The following ERCC6 variants were observed in gnomAD, a reference collection of about 807,000 sequenced individuals.
ERCC6 encodes the protein ERCC excision repair 6, chromatin remodeling factor.
A neutral mutation model predicts 158.7 loss-of-function variants in ERCC6; 116 were observed. The ratio of observed to expected loss-of-function variants is 0.73; its 90% CI spans 0.63 to 0.85. The LOEUF (loss-of-function observed/expected upper bound fraction) is 0.85. Among genes scored for constraint, ERCC6 ranks in the 40% least tolerant of loss-of-function variants. ERCC6 has a pLI of 0.00. For synonymous variants in ERCC6, 678 were observed against 659.3 expected (o/e 1.03, Z -0.43); for missense variants, 1,698 against 1,799.4 (o/e 0.94, Z 1.02).
At chr10:49,516,953 TG>T in intron 5 of ERCC6, 1 of 1,614,154 alleles carries the variant, frequency 6.2e-7, no homozygotes, top group East Asian at 2.2e-5. Context: ...ACAAAGAACC[TG>T]GCAGATTATT....
Position 49,466,412 on chromosome 10 carries a change from GC to G in ERCC6, c.3778+3769del, listed in dbSNP as rs1184991578. 2.6e-5 allele frequency among the ~76,000 whole-genome samples: 4 copies of G among 152,180 alleles called. No homozygotes were observed. The East Asian group carries it at 7.7e-4, about 29-fold the overall frequency. ...GAAGGAAGCTACAAACATGGAAAGG[GC>G]CCTAGGGTGCTGAAATGAAATTGGA... On this transcript the variant is annotated intron_variant, in intron 18 of 20. Transcript: ENST00000355832.
intron 4 of ERCC6, among the ~76,000 whole-genome samples, chr10:49,525,481 A>G (rs1837293536): frequency 6.6e-6 from 1 of 152,238 alleles, no homozygotes; most frequent in Admixed American, 6.5e-5. Context: ...AACTGACTTG[A>G]AGACATTACA....
In ERCC6 at chr10:49,524,456, T is replaced by G. The variant is rs1837260609; in HGVS notation, c.974A>C (p.Glu325Ala). ...CTTGATGTGCTTTTTCAAACGCTCCTCTTTTTTGGACAGAACTCTGGCTTT... is the reference window on the plus strand; with the variant it reads ...CTTGATGTGCTTTTTCAAACGCTCCGCTTTTTTGGACAGAACTCTGGCTTT... The part of the protein sequence containing the change: ...NKKARVLSKK[E>A]ERLKKHIKKL... Residue 325 changes from glutamate (E) to alanine (A), a missense_variant, in exon 5 of 21, where the codon GAG becomes GCG. Glu to Ala is a moderately radical substitution (Grantham distance 107). Coordinates refer to ENST00000355832, the MANE Select transcript of ERCC6 (RefSeq NM_000124.4). 1.9e-6 allele frequency: 3 copies of G among 1,614,130 alleles called. No individual in the cohort carries two copies. The Admixed American group carries it at 5.0e-5, about 27-fold the overall frequency.
intron 12 of ERCC6, 39 bp from the exon 13 acceptor site, chr10:49,474,281 C>T (rs760278222): frequency 6.6e-7 from 1 of 1,525,976 alleles, no homozygotes; most frequent in East Asian, 2.3e-5. Flanking sequence ...CAGATGACCC[C>T]ATGTAAAGTA....
At chr10:49,460,044 T>C (rs1850549580) in intron 20 of ERCC6, 1 of 396,116 alleles carries the variant, frequency 2.5e-6, no homozygotes, top group Non-Finnish European at 4.7e-6. Flanking sequence ...GACTTTTATT[T>C]CAGAGGGTTG....
intron 1 of ERCC6, among the ~76,000 whole-genome samples, chr10:49,538,026 G>A (rs904294184): frequency 1.3e-5 from 2 of 152,246 alleles, no homozygotes; most frequent in Non-Finnish European, 2.9e-5. Context: ...TGATGCACTT[G>A]TGAAAATGCA....
rs1308105639 is a variant in ERCC6 at position 49,471,129 on chromosome 10, AT to A, written c.2925-10del. The A allele has an allele frequency of 1.9e-6, 3 of 1,613,602 alleles. No individual in the cohort carries two copies. The highest frequency in any genetic ancestry group is 2.2e-5 in the South Asian group (2 of 91,074). Reference sequence around the variant, plus strand: ...ACTGCTTGAAGATTTGTCTAAAAAAATAAAAGATAAGCTGGTATAAAACAAT... The same window carrying A: ...ACTGCTTGAAGATTTGTCTAAAAAAAAAAAGATAAGCTGGTATAAAACAAT... On this transcript the variant is annotated splice_polypyrimidine_tract_variant and intron_variant, in intron 16 of 20. Transcript: ENST00000355832.
rs1850488866 is a variant in ERCC6, at chr10:49,456,707, T to G, written c.*2108A>C. 1.3e-5 allele frequency: 2 copies of G among 152,252 alleles called. No individual in the cohort carries two copies. The highest frequency in any genetic ancestry group is 4.8e-5 in the African/African-American group (2 of 41,460). 9.4% of individuals were successfully genotyped at this position (152,252 alleles called of 1,614,324 possible). On this transcript the variant is annotated 3_prime_UTR_variant, in exon 21 of 21. Coordinates refer to ENST00000355832, the MANE Select transcript of ERCC6 (RefSeq NM_000124.4). The stretch of plus-strand genomic sequence containing the variant: ...TGCTGATAAAGCATGTTAAATACAT[T>G]AAATCTATTTACACTGTACAAAGCT...
chr10:49,462,921 A>C (rs1228159591), intron 18 of ERCC6, among the ~76,000 whole-genome samples: 1 of 152,206 alleles, frequency 6.6e-6, no homozygotes, highest in Non-Finnish European at 1.5e-5. Context: ...CAAACAAAAC[A>C]AACTTACATA....
In ERCC6 at chr10:49,458,299, A is replaced by G. The variant is rs1465175833; in HGVS notation, c.*516T>C. On this transcript the variant is annotated 3_prime_UTR_variant, in exon 21 of 21. Transcript: ENST00000355832. ...TCTTTCCAAGAAAATTAATATAATT[A>G]TCAAACAACAAATAACAAACCTGAC... 6.4e-6 allele frequency: 1 copy of G among 156,102 alleles called. No individual in the cohort carries two copies. The highest frequency in any genetic ancestry group is 1.4e-5 in the Non-Finnish European group (1 of 70,370). 9.7% of individuals were successfully genotyped at this position (156,102 alleles called of 1,614,324 possible).
chr10:49,537,127 C>T (rs538318983), intron 1 of ERCC6, among the ~76,000 whole-genome samples: 3 of 152,140 alleles, frequency 2.0e-5, no homozygotes, highest in South Asian at 4.2e-4. Flanking sequence ...GGGAGGATCA[C>T]GAGGTCAGAA....
At chr10:49,435,527 A>G in the ERCC6 span, among the ~76,000 whole-genome samples, 1 of 152,348 alleles carries the variant, frequency 6.6e-6, no homozygotes, top group Non-Finnish European at 1.5e-5. Context: ...AAGACAGTCA[A>G]CCCTGCAAAT....
intron 6 of ERCC6, 134 bp from the exon 7 acceptor site, chr10:49,500,830 T>C (rs1470925467): frequency 4.5e-6 from 4 of 883,438 alleles, no homozygotes; most frequent in Non-Finnish European, 7.2e-6. Flanking sequence ...GGGATGTGTG[T>C]TTTACATGAG....
chr10:49,537,487 CTATATA>C lies in ERCC6; in HGVS notation c.-15+1469_-15+1474del, dbSNP rs200156549. Among the ~76,000 whole-genome samples, 807 of 145,154 alleles carry C rather than the reference CTATATA, an allele frequency of 5.6e-3. 7 individuals are homozygous for C. Among genetic ancestry groups the C allele is most frequent in the African/African-American group, 0.018 (705 of 39,138 alleles). ...CATGGGAAAAACAGACATTTAAAAACTATATATATATATATACACATACACACACAC... is the reference window on the plus strand; with the variant it reads ...CATGGGAAAAACAGACATTTAAAAACTATATATATACACATACACACACAC... On this transcript the variant is annotated intron_variant, in intron 1 of 20. Coordinates refer to ENST00000355832, the MANE Select transcript of ERCC6 (RefSeq NM_000124.4).
chr10:49,477,586 C>T (rs1850901078), intron 11 of ERCC6, among the ~76,000 whole-genome samples: 1 of 152,174 alleles, frequency 6.6e-6, no homozygotes, highest in Admixed American at 6.5e-5. Context: ...TCACCCTACT[C>T]ACCTTCCGAT....
At chr10:49,500,849 T>G (rs1851344972) in intron 6 of ERCC6, 153 bp from the exon 7 acceptor site, 1 of 764,988 alleles carries the variant, frequency 1.3e-6, no homozygotes, top group East Asian at 2.7e-5. Flanking sequence ...AGTATTATAT[T>G]TATAAGGTCA....
the ERCC6 span, among the ~76,000 whole-genome samples, chr10:49,448,969 G>A: frequency 6.6e-6 from 1 of 152,194 alleles, no homozygotes; most frequent in Non-Finnish European, 1.5e-5. Context: ...GTGGACATAA[G>A]TCTTCATTTC....
At chr10:49,466,293 T>C (rs1850673651) in intron 18 of ERCC6, among the ~76,000 whole-genome samples, 1 of 152,236 alleles carries the variant, frequency 6.6e-6, no homozygotes, top group African/African-American at 2.4e-5. Context: ...AGTATAACTG[T>C]TTCTTGCCAT....
In ERCC6 at chr10:49,482,963, C is replaced by T. The variant is rs4240506; in HGVS notation, c.1993-100G>A. ...TCTGCAAATTATTTACACATTTACT[C>T]ATCATTCTTGCATCATTTTGGTACT... On this transcript the variant is annotated intron_variant, in intron 9 of 20. Coordinates refer to ENST00000355832, the MANE Select transcript of ERCC6 (RefSeq NM_000124.4). 577,512 of 1,208,694 alleles carry T rather than the reference C, an allele frequency of 0.48. 142,922 individuals carry two copies. Among genetic ancestry groups the T allele is most frequent in the Non-Finnish European group, 0.5 (417,372 of 829,262 alleles). 74.9% of individuals were successfully genotyped at this position (1,208,694 alleles called of 1,614,324 possible).
Sources: gnomAD v4.1 joint callset for allele counts (sites outside exome capture counted in the v4.1 genomes callset) on GRCh38, gnomAD v4.1.1 for gene constraint, MANE v1.5 for transcripts, NCBI Gene and HGNC (gene_info 2026-07-23, HGNC 2026-07-21) for gene names.